NEGR1: variants seen among roughly 807,000 people sequenced by gnomAD.
NEGR1 encodes the protein IgLON family member 4.
In NEGR1, 10 loss-of-function variants were observed where a neutral mutation model predicts 40.9. The observed-to-expected ratio is 0.24, with a 90% confidence interval of 0.15 to 0.42. NEGR1 has a LOEUF of 0.42. Ranked by LOEUF, NEGR1 falls within the 10% of genes least tolerant of loss-of-function variation. The pLI is 1.00. For missense variants in NEGR1, 352 were observed against 438.9 expected, an observed-to-expected ratio of 0.80 and a Z score of 1.77; for synonymous variants, 185 against 166.8, an observed-to-expected ratio of 1.11 and a Z score of -0.84.
intron 5 of NEGR1, among the ~76,000 whole-genome samples, chr1:71,608,380 G>T (rs1167321285): frequency 6.6e-6 from 1 of 151,490 alleles, no homozygotes; most frequent in South Asian, 2.1e-4. Flanking sequence ...AATAAAAGCT[G>T]TAGTCCATCT....
At chr1:72,197,404 T>C (rs1381777132) in intron 1 of NEGR1, among the ~76,000 whole-genome samples, 1 of 152,008 alleles carries the variant, frequency 6.6e-6, no homozygotes, top group Non-Finnish European at 1.5e-5. Context: ...TATATTATAT[T>C]TTATATTTTG....
intron 6 of NEGR1, among the ~76,000 whole-genome samples, chr1:71,567,716 C>G (rs1277705089): frequency 2.0e-5 from 3 of 152,088 alleles, no homozygotes; most frequent in Non-Finnish European, 4.4e-5. Flanking sequence ...ATGTTTGTGT[C>G]CCCCCTCCGC....
intron 4 of NEGR1, among the ~76,000 whole-genome samples, chr1:71,615,850 C>T (rs1277123325): frequency 1.3e-5 from 2 of 152,220 alleles, no homozygotes; most frequent in African/African-American, 2.4e-5. Flanking sequence ...AGAATAACTA[C>T]GAGGCTGTTG....
chr1:72,139,877 G>GT (rs1314708145), intron 1 of NEGR1, among the ~76,000 whole-genome samples: 1 of 152,042 alleles, frequency 6.6e-6, no homozygotes, highest in Non-Finnish European at 1.5e-5. Flanking sequence ...TTTCTTCTCT[G>GT]TTTTTTCTTC....
At chr1:72,181,266 C>G (rs756203251) in intron 1 of NEGR1, among the ~76,000 whole-genome samples, 1 of 152,118 alleles carries the variant, frequency 6.6e-6, no homozygotes, top group Non-Finnish European at 1.5e-5. Context: ...GATAATAACC[C>G]TGAAGCACAA....
chr1:71,781,790 T>C (rs1656726033), intron 2 of NEGR1, among the ~76,000 whole-genome samples: 1 of 152,172 alleles, frequency 6.6e-6, no homozygotes, highest in East Asian at 1.9e-4. Flanking sequence ...AGTTGTTATA[T>C]ATCTATTTGA....
At chr1:72,247,965 T>C (rs533393446) in intron 1 of NEGR1, among the ~76,000 whole-genome samples, 17 of 152,136 alleles carry the variant, frequency 1.1e-4, no homozygotes, top group South Asian at 6.2e-4. Context: ...AGGCAAAAAG[T>C]AGCAGGTGCA....
rs201512378 is a variant in NEGR1 at position 71,404,165 on chromosome 1, T to TATA, written c.*3280_*3281insTAT. On this transcript the variant is annotated 3_prime_UTR_variant, in exon 7 of 7. Transcript: ENST00000357731. ...GTAGGGGTATTTATATATATATATA[T>TATA]TTTTTTTTTTCCCTGAATTACCTGG... is the stretch of plus-strand genomic sequence containing the variant. 39 of 142,558 alleles carry TATA rather than the reference T, an allele frequency of 2.7e-4. No homozygotes were observed. The highest frequency in any genetic ancestry group is 2.0e-3 in the South Asian group (9 of 4,472). The allele number at this position is 142,558 out of a possible 1,614,324, so 8.8% of individuals were successfully genotyped here.
chr1:71,945,782 A>G (rs1646012559), intron 1 of NEGR1, among the ~76,000 whole-genome samples: 1 of 152,196 alleles, frequency 6.6e-6, no homozygotes, highest in Non-Finnish European at 1.5e-5. Context: ...AAAGAATTTA[A>G]TAGTTGCAAA....
chr1:72,273,539 T>C (rs555068707), intron 1 of NEGR1, among the ~76,000 whole-genome samples: 2 of 152,064 alleles, frequency 1.3e-5, no homozygotes, highest in South Asian at 2.1e-4. Flanking sequence ...CTTCAAACTT[T>C]TCTGCTTAAA....
chr1:71,864,303 A>G (rs1477127959), intron 2 of NEGR1, among the ~76,000 whole-genome samples: 1 of 152,144 alleles, frequency 6.6e-6, no homozygotes, highest in Non-Finnish European at 1.5e-5. Context: ...GAACCCTGTA[A>G]GGAAGGTTTG....
intron 1 of NEGR1, among the ~76,000 whole-genome samples, chr1:72,279,566 C>A (rs776685161): frequency 6.6e-6 from 1 of 152,150 alleles, no homozygotes; most frequent in South Asian, 2.1e-4. Context: ...TTTGATGGGA[C>A]AAGGGCATAT....
intron 1 of NEGR1, among the ~76,000 whole-genome samples, chr1:72,166,005 ATAAT>A (rs1651750536): frequency 6.6e-6 from 1 of 152,070 alleles, no homozygotes; most frequent in South Asian, 2.1e-4. Flanking sequence ...AAGAGTTTAT[ATAAT>A]AGGAAAGGGC....
chr1:71,714,973 TG>T (rs1654227380), intron 3 of NEGR1, among the ~76,000 whole-genome samples: 1 of 152,230 alleles, frequency 6.6e-6, no homozygotes, highest in African/African-American at 2.4e-5. Flanking sequence ...CCTTCTGCAC[TG>T]CCCTAGCAGA....
At chr1:72,214,262 C>A (rs957347173) in intron 1 of NEGR1, among the ~76,000 whole-genome samples, 1 of 152,072 alleles carries the variant, frequency 6.6e-6, no homozygotes, top group Non-Finnish European at 1.5e-5. Flanking sequence ...CAATATCATA[C>A]TGAATGGGCA....
chr1:71,549,671 C>T (rs1570016868), intron 6 of NEGR1, among the ~76,000 whole-genome samples: 1 of 151,774 alleles, frequency 6.6e-6, no homozygotes, highest in Non-Finnish European at 1.5e-5. Context: ...TTTGTTAAAA[C>T]CCAAAGCCCC....
intron 5 of NEGR1, among the ~76,000 whole-genome samples, chr1:71,598,200 C>A (rs1035817196): frequency 1.3e-5 from 2 of 152,088 alleles, no homozygotes; most frequent in East Asian, 1.9e-4. Flanking sequence ...ACATTCAAAT[C>A]GCTAAGTAGA....
At chr1:71,500,913 T>G (rs1646994549) in intron 6 of NEGR1, among the ~76,000 whole-genome samples, 1 of 152,078 alleles carries the variant, frequency 6.6e-6, no homozygotes, top group African/African-American at 2.4e-5. Context: ...TATTTTTTAT[T>G]TTTTGAATAT....
intron 1 of NEGR1, among the ~76,000 whole-genome samples, chr1:72,218,333 T>C (rs1553151409): frequency 6.6e-6 from 1 of 151,888 alleles, no homozygotes; most frequent in Non-Finnish European, 1.5e-5. Context: ...TCTTTACTTG[T>C]AGGTTATGAC....
Sources: allele counts gnomAD v4.1 joint callset (sites outside exome capture counted in the v4.1 genomes callset), GRCh38; gene constraint gnomAD v4.1.1; transcripts MANE v1.5; gene names NCBI Gene and HGNC (gene_info 2026-07-23, HGNC 2026-07-21).